The following IQCH variants were observed in gnomAD, a reference collection of about 807,000 sequenced individuals.
IQCH encodes the protein IQ motif containing H.
IQCH carries 98 observed loss-of-function variants against 117.0 expected under a neutral mutation model. That is an observed-to-expected ratio of 0.84 (90% CI 0.71 to 0.99). The LOEUF (loss-of-function observed/expected upper bound fraction) is 0.99, where lower values mean the gene tolerates loss of function less well. Ranked by LOEUF, IQCH falls within the 50% of genes least tolerant of loss-of-function variation. The pLI is 0.00. For synonymous variants in IQCH, 412 were observed against 448.2 expected (o/e 0.92, Z 1.02); for missense variants, 1,102 against 1,243.8 (o/e 0.89, Z 1.72).
chr15:67,489,745 A>G (rs2083597867), intron 18 of IQCH, among the ~76,000 whole-genome samples: 1 of 151,708 alleles, frequency 6.6e-6, no homozygotes, highest in African/African-American at 2.4e-5. Flanking sequence ...CATGATGCCC[A>G]TGAAAATGCC....
At chr15:67,383,562 C>A (rs1215899205) in intron 10 of IQCH, among the ~76,000 whole-genome samples, 1 of 152,126 alleles carries the variant, frequency 6.6e-6, no homozygotes. Context: ...AGGCATTTTC[C>A]TGCCTTTTTA....
chr15:67,316,826 C>T (rs936509445), intron 4 of IQCH, among the ~76,000 whole-genome samples: 8 of 152,166 alleles, frequency 5.3e-5, no homozygotes, highest in Non-Finnish European at 4.4e-5. Context: ...CATTCTTTAT[C>T]CTTTTCTATA....
At position 67,364,311 on chromosome 15, in the gene IQCH, G is replaced by C. The variant is rs7162838; in HGVS notation, c.753+4426G>C. The stretch of plus-strand genomic sequence containing the variant: ...ATTTGCATGTAGAATCTTTTAAAAA[G>C]AGTTACCATTTTCTCTAATTCATTA... On this transcript the variant is annotated intron_variant, in intron 8 of 20. Transcript: ENST00000335894. This position sits in a 1 kb window ranked among gnomAD's most constrained non-coding sequence, Gnocchi z 4.1. 1 allele frequency among the ~76,000 whole-genome samples: 151,612 copies of C among 152,326 alleles called. 75,459 individuals are homozygous for C. Among genetic ancestry groups the C allele is most frequent in the Non-Finnish European group, 1 (68,036 of 68,036 alleles).
chr15:67,315,700 C>T (rs1596163456), intron 4 of IQCH, among the ~76,000 whole-genome samples: 1 of 152,120 alleles, frequency 6.6e-6, no homozygotes, highest in Non-Finnish European at 1.5e-5. Flanking sequence ...AAATACCACT[C>T]GCCTTCAGCT....
intron 1 of IQCH, among the ~76,000 whole-genome samples, chr15:67,258,511 A>C (rs1412789744): frequency 1.4e-5 from 2 of 143,858 alleles, no homozygotes; most frequent in Admixed American, 7.1e-5. Context: ...AGCCTGGGGG[A>C]CAAGAGTGAG....
chr15:67,346,429 G>T (rs1402559310), intron 6 of IQCH, among the ~76,000 whole-genome samples: 2 of 152,094 alleles, frequency 1.3e-5, no homozygotes, highest in African/African-American at 4.8e-5. Context: ...GTTTCAGGAT[G>T]GAACTGTTCC....
rs761682321 is a variant in IQCH at position 67,463,833 on chromosome 15, CCTT to C, written c.2506-1290_2506-1288del. Among the ~76,000 whole-genome samples the C allele has an allele frequency of 2.6e-5, 4 of 152,088 alleles. No homozygotes were observed. The highest frequency in any genetic ancestry group is 7.2e-5 in the African/African-American group (3 of 41,422). On this transcript the variant is annotated intron_variant, in intron 16 of 20. Transcript: ENST00000335894. This position sits in a 1 kb window ranked among gnomAD's most constrained non-coding sequence, Gnocchi z 4.0. ...TTGGATATGTATGTATCTGTCTTCA[CCTT>C]CTTATTTTTATTTTTTATTTTTTTG...
intron 3 of IQCH, among the ~76,000 whole-genome samples, chr15:67,263,642 T>A (rs1320023029): frequency 6.6e-6 from 1 of 151,776 alleles, no homozygotes; most frequent in Non-Finnish European, 1.5e-5. Context: ...TAGTGAAAGG[T>A]ATCTAAAATT....
At chr15:67,265,857 A>G (rs1394479276) in intron 3 of IQCH, among the ~76,000 whole-genome samples, 2 of 152,202 alleles carry the variant, frequency 1.3e-5, no homozygotes, top group African/African-American at 2.4e-5. Flanking sequence ...TCAAGTTCTC[A>G]TGCCTAGAAG....
chr15:67,328,457 A>G (rs973990405), intron 4 of IQCH, among the ~76,000 whole-genome samples: 1 of 152,212 alleles, frequency 6.6e-6, no homozygotes, highest in Non-Finnish European at 1.5e-5. Flanking sequence ...TAATTACAAT[A>G]TATGTTATAA....
chr15:67,426,546 T>C lies in IQCH; in HGVS notation c.2505+4969T>C, dbSNP rs2081894280. Among the ~76,000 whole-genome samples, 1 of 150,050 alleles carries C rather than the reference T, an allele frequency of 6.7e-6. No homozygotes were observed. Among genetic ancestry groups the C allele is most frequent in the Admixed American group, 6.7e-5 (1 of 14,874 alleles). On this transcript the variant is annotated intron_variant, in intron 16 of 20. Coordinates refer to ENST00000335894, the MANE Select transcript of IQCH (RefSeq NM_001031715.3). This position sits in a 1 kb window ranked among gnomAD's most constrained non-coding sequence, Gnocchi z 5.1. Reference sequence around the variant, plus strand: ...CCAAAATATATATAACTATTACATATCAATAAAAAATACCAAAAAAAAACC... The same window carrying C: ...CCAAAATATATATAACTATTACATACCAATAAAAAATACCAAAAAAAAACC...
rs906611040 is a variant in IQCH at position 67,488,535 on chromosome 15, A to G, written c.2800-1468A>G. On this transcript the variant is annotated intron_variant, in intron 18 of 20. Transcript: ENST00000335894. Reference sequence around the variant, plus strand: ...GTCTATCAGTTACCTATACTTTACAAAATTGTAAAATATCTCCCATAGAAT... The same window carrying G: ...GTCTATCAGTTACCTATACTTTACAGAATTGTAAAATATCTCCCATAGAAT... 3.9e-5 allele frequency among the ~76,000 whole-genome samples: 6 copies of G among 152,344 alleles called. No individual in the cohort carries two copies. The East Asian group carries it at 1.2e-3, about 29-fold the overall frequency.
intron 16 of IQCH, among the ~76,000 whole-genome samples, chr15:67,434,393 G>A (rs1391761965): frequency 2.6e-5 from 4 of 152,136 alleles, no homozygotes; most frequent in South Asian, 2.1e-4. Flanking sequence ...CATTCATATT[G>A]TCATGAATGA....
intron 16 of IQCH, among the ~76,000 whole-genome samples, chr15:67,448,919 A>T (rs1383327363): frequency 1.3e-5 from 2 of 152,146 alleles, no homozygotes; most frequent in Admixed American, 1.3e-4. Flanking sequence ...CGCCATTCTA[A>T]CTGGTGTGAG....
intron 6 of IQCH, among the ~76,000 whole-genome samples, chr15:67,347,645 TAGAA>T (rs2140699457): frequency 6.6e-6 from 1 of 151,444 alleles, no homozygotes; most frequent in Middle Eastern, 3.4e-3. Context: ...AAAAATAGAA[TAGAA>T]AGAAACACTT....
At chr15:67,276,683 AG>A (rs1966138574) in intron 3 of IQCH, among the ~76,000 whole-genome samples, 1 of 152,080 alleles carries the variant, frequency 6.6e-6, no homozygotes, top group South Asian at 2.1e-4. Flanking sequence ...TGAAAAAAAA[AG>A]TTCAATATAA....
Position 67,400,296 on chromosome 15 carries a change from A to G in IQCH, c.2088A>G (p.Lys696=), listed in dbSNP as rs369968705. The change falls in exon 14 of 21, where the codon AAA becomes AAG. Residue 696 remains lysine, a synonymous_variant. Coordinates refer to ENST00000335894, the MANE Select transcript of IQCH (RefSeq NM_001031715.3). Reference sequence around the variant, plus strand: ...ATGGCCTTGAAGACTGGAGAAAGAAATGGGCACAAGTGAGTATTCAATGGT... The same window carrying G: ...ATGGCCTTGAAGACTGGAGAAAGAAGTGGGCACAAGTGAGTATTCAATGGT... ...SRYGLEDWRK[K]WAQEPALVKI... is the part of the protein sequence containing the mutation. The G allele has an allele frequency of 1.2e-5, 20 of 1,612,466 alleles. No homozygotes were observed. In the African/African-American group the frequency reaches 2.5e-4, roughly 20 times the overall value.
intron 16 of IQCH, among the ~76,000 whole-genome samples, chr15:67,460,613 A>G (rs572516636): frequency 2.6e-5 from 4 of 152,310 alleles, no homozygotes; most frequent in Admixed American, 6.5e-5. Flanking sequence ...AGACCTTAAT[A>G]TAAATCTCTC....
At chr15:67,334,651 A>T (rs1968812581) in intron 4 of IQCH, among the ~76,000 whole-genome samples, 1 of 152,146 alleles carries the variant, frequency 6.6e-6, no homozygotes, top group African/African-American at 2.4e-5. Flanking sequence ...TTCTGAGTTA[A>T]TTGCCCAGGG....
Sources: allele counts gnomAD v4.1 joint callset (sites outside exome capture counted in the v4.1 genomes callset), GRCh38; gene constraint gnomAD v4.1.1; non-coding constraint Gnocchi (gnomAD v3.1); transcripts MANE v1.5; gene names NCBI Gene and HGNC (gene_info 2026-07-23, HGNC 2026-07-21).